LRFN3: variants seen among roughly 807,000 people sequenced by gnomAD.
LRFN3 encodes leucine rich repeat and fibronectin type III domain containing 3.
A neutral mutation model predicts 23.8 loss-of-function variants in LRFN3; 8 were observed. That is an observed-to-expected ratio of 0.34 (90% CI 0.20 to 0.61). LRFN3 has a LOEUF of 0.61. Among genes scored for constraint, LRFN3 ranks in the 20% least tolerant of loss-of-function variants. The probability of loss-of-function intolerance (pLI) is 0.80; values close to 1 mark genes in which losing one functional copy is unlikely to be tolerated. For missense variants in LRFN3, 736 were observed against 935.3 expected (o/e 0.79, Z 2.78); for synonymous variants, 451 against 450.6 (o/e 1.00, Z -0.01).
At position 35,944,701 on chromosome 19, in the gene LRFN3, G is replaced by T; in HGVS notation, c.1569G>T (p.Ala523=). The change falls in exon 3 of 3, where the codon GCG becomes GCT. Residue 523 remains alanine (A), a synonymous_variant. Transcript: ENST00000246529. This position sits in a 1 kb window ranked among gnomAD's most constrained non-coding sequence, Gnocchi z 4.5. ...GCGCCCGCTTCTCCACCGAACCTGC[G>T]CTGCGGCCATGCGGGGCGCCGCACG... ...VGCARFSTEP[A]LRPCGAPHAP... is the part of the protein sequence containing the mutation. 1 of 1,604,178 alleles carries T rather than the reference G, an allele frequency of 6.2e-7. No individual in the cohort carries two copies. The highest frequency in any genetic ancestry group is 8.5e-7 in the Non-Finnish European group (1 of 1,176,574).
intron 2 of LRFN3, among the ~76,000 whole-genome samples, chr19:35,942,176 C>G (rs1017165688): frequency 1.3e-5 from 2 of 152,208 alleles, no homozygotes; most frequent in Non-Finnish European, 2.9e-5. Context: ...GCCACCGCGC[C>G]CGACAGATTT....
chr19:35,937,114 G>C lies in LRFN3; in HGVS notation c.-458G>C, dbSNP rs941939925. 1 of 152,150 alleles carries C rather than the reference G, an allele frequency of 6.6e-6. No individual in the cohort carries two copies. The highest frequency in any genetic ancestry group is 2.4e-5 in the African/African-American group (1 of 41,420). 9.4% of individuals were successfully genotyped at this position (152,150 alleles called of 1,614,324 possible). Reference sequence around the variant, plus strand: ...CCTCAAATTCCAAGATCTGGACTGTGGGATTCCAAGGGGCCTGAACCCGAG... The same window carrying C: ...CCTCAAATTCCAAGATCTGGACTGTCGGATTCCAAGGGGCCTGAACCCGAG... On this transcript the variant is annotated 5_prime_UTR_variant, in exon 1 of 3. Transcript: ENST00000246529.
In LRFN3 at chr19:35,945,064, A is replaced by G. The variant is rs1386537358; in HGVS notation, c.*45A>G. 4.2e-6 allele frequency: 5 copies of G among 1,188,358 alleles called. No individual in the cohort carries two copies. In the South Asian group the frequency reaches 9.4e-5, roughly 22 times the overall value. The allele number at this position is 1,188,358 out of a possible 1,614,324, so 73.6% of individuals were successfully genotyped here. On this transcript the variant is annotated 3_prime_UTR_variant, in exon 3 of 3. Coordinates refer to ENST00000246529, the MANE Select transcript of LRFN3 (RefSeq NM_024509.2). ...AGGGTCCTCTGGCCCCACGGACAGCAGGACCCGGACACCCTGTGGGACCTG... is the reference window on the plus strand; with the variant it reads ...AGGGTCCTCTGGCCCCACGGACAGCGGGACCCGGACACCCTGTGGGACCTG...
In LRFN3 at chr19:35,944,986, C is replaced by G. The variant is rs1041063495; in HGVS notation, c.1854C>G (p.Pro618=). ...CCGTGGTCCAGCTGGACTGCGAGCC[C>G]TGGGGGCCCGGCCACGAACCTGTGG... ...AHTVVQLDCE[P]WGPGHEPVGP The change falls in exon 3 of 3, where the codon CCC becomes CCG. Residue 618 remains proline, a synonymous_variant. Transcript: ENST00000246529. This position sits in a 1 kb window ranked among gnomAD's most constrained non-coding sequence, Gnocchi z 4.5. 2.4e-5 allele frequency: 33 copies of G among 1,401,494 alleles called. No individual in the cohort carries two copies. The highest frequency in any genetic ancestry group is 2.8e-5 in the Non-Finnish European group (30 of 1,088,984). 86.8% of individuals were successfully genotyped at this position (1,401,494 alleles called of 1,614,324 possible).
rs1976177048 is a variant in LRFN3 at position 35,946,254 on chromosome 19, C to T, written c.*1235C>T. Among the ~76,000 whole-genome samples the T allele has an allele frequency of 6.6e-6, 1 of 151,922 alleles. No individual in the cohort carries two copies. Among genetic ancestry groups the T allele is most frequent in the Admixed American group, 6.6e-5 (1 of 15,246 alleles). On this transcript the variant is annotated 3_prime_UTR_variant, in exon 3 of 3. Transcript: ENST00000246529. ...GAAATAGAAATGAGGGCTTTGTCAG[C>T]AGAGATGGGAACTGACGCTGCTGGG...
At position 35,940,955 on chromosome 19, in the gene LRFN3, G is replaced by T. The variant is rs182552802; in HGVS notation, c.1415+115G>T. ...CACAACTGATAAGTGATGCTGGAAG[G>T]TTCCAAAAGAAATCAGAGAGCAAAA... On this transcript the variant is annotated intron_variant, in intron 2 of 2. Coordinates refer to ENST00000246529, the MANE Select transcript of LRFN3 (RefSeq NM_024509.2). 962 of 1,336,482 alleles carry T rather than the reference G, an allele frequency of 7.2e-4. 9 individuals carry two copies. The highest frequency in any genetic ancestry group is 2.2e-4 in the Middle Eastern group (1 of 4,648). The allele number at this position is 1,336,482 out of a possible 1,614,324, so 82.8% of individuals were successfully genotyped here. A position where few individuals can be genotyped will look rare whatever the true frequency, so the allele number is the denominator to read the frequency against.
chr19:35,944,803 G>T lies in LRFN3; in HGVS notation c.1671G>T (p.Val557=). 5 of 1,610,750 alleles carry T rather than the reference G, an allele frequency of 3.1e-6. No homozygotes were observed. Among genetic ancestry groups the T allele is most frequent in the Non-Finnish European group, 4.2e-6 (5 of 1,179,232 alleles). ...CCTCGGTACTGGTCTTCATCTTCGT[G>T]CTGCTAATGCGCTACAAGGTGCACG... is the stretch of plus-strand genomic sequence containing the variant. The part of the protein sequence containing the change: ...IVASVLVFIF[V]LLMRYKVHGG... The change falls in exon 3 of 3, where the codon GTG becomes GTT. Residue 557 remains valine (V), a synonymous_variant. Transcript: ENST00000246529. This position sits in a 1 kb window ranked among gnomAD's most constrained non-coding sequence, Gnocchi z 4.5.
At position 35,944,655 on chromosome 19, in the gene LRFN3, C is replaced by G; in HGVS notation, c.1523C>G (p.Thr508Arg). 1 of 1,593,892 alleles carries G rather than the reference C, an allele frequency of 6.3e-7. No individual in the cohort carries two copies. Among genetic ancestry groups the G allele is most frequent in the Non-Finnish European group, 8.5e-7 (1 of 1,174,010 alleles). ...TATGAGGACAGCGCCACGGGGCTCACGGCCACGCGGCCTGTGGGCTGCGCC... is the reference window on the plus strand; with the variant it reads ...TATGAGGACAGCGCCACGGGGCTCAGGGCCACGCGGCCTGTGGGCTGCGCC... ...AVYEDSATGL[T>R]ATRPVGCARF... Residue 508 changes from threonine to arginine, a missense_variant, in exon 3 of 3, where the codon ACG becomes AGG. This residue lies in a region of LRFN3 where 290 missense variants were observed against 287.4 expected (regional missense o/e 1.01). Transcript: ENST00000246529. The surrounding 1 kb of genome is among the most constrained non-coding windows in gnomAD (Gnocchi z 4.5).
rs1976170855 is a variant in LRFN3 at position 35,945,628 on chromosome 19, C to G, written c.*609C>G. 6.5e-6 allele frequency: 1 copy of G among 152,678 alleles called. No individual in the cohort carries two copies. Among genetic ancestry groups the G allele is most frequent in the African/African-American group, 2.4e-5 (1 of 41,428 alleles). The allele number at this position is 152,678 out of a possible 1,614,324, so 9.5% of individuals were successfully genotyped here. A position where few individuals can be genotyped will look rare whatever the true frequency, so the allele number is the denominator to read the frequency against. ...TGAGAATGACATATGAAGGAGATAA[C>G]TGGGCAAAGAGCAGAAGGAAAGCTC... On this transcript the variant is annotated 3_prime_UTR_variant, in exon 3 of 3. Coordinates refer to ENST00000246529, the MANE Select transcript of LRFN3 (RefSeq NM_024509.2).
At position 35,945,651 on chromosome 19, in the gene LRFN3, CTCTT is replaced by C. The variant is rs1599655106; in HGVS notation, c.*635_*638del. 1 of 152,528 alleles carries C rather than the reference CTCTT, an allele frequency of 6.6e-6. No homozygotes were observed. Among genetic ancestry groups the C allele is most frequent in the Admixed American group, 6.5e-5 (1 of 15,288 alleles). 9.4% of individuals were successfully genotyped at this position (152,528 alleles called of 1,614,324 possible). On this transcript the variant is annotated 3_prime_UTR_variant, in exon 3 of 3. Coordinates refer to ENST00000246529, the MANE Select transcript of LRFN3 (RefSeq NM_024509.2). ...AACTGGGCAAAGAGCAGAAGGAAAGCTCTTTCAGGCAGAGGGCACAGCACAAGCA... is the reference window on the plus strand; with the variant it reads ...AACTGGGCAAAGAGCAGAAGGAAAGCTCAGGCAGAGGGCACAGCACAAGCA...
chr19:35,945,941 G>A lies in LRFN3; in HGVS notation c.*922G>A, dbSNP rs747152176. ...GAAGCTGGGGCAGGGACCTGGGTGG[G>A]TGAGGACGAAGTTGGACCAGCTGGG... is the stretch of plus-strand genomic sequence containing the variant. On this transcript the variant is annotated 3_prime_UTR_variant, in exon 3 of 3. Transcript: ENST00000246529. 1.3e-5 allele frequency among the ~76,000 whole-genome samples: 2 copies of A among 152,096 alleles called. No homozygotes were observed. Among genetic ancestry groups the A allele is most frequent in the Admixed American group, 6.6e-5 (1 of 15,264 alleles).
rs753020006 is a variant in LRFN3 at position 35,944,714 on chromosome 19, G to A, written c.1582G>A (p.Gly528Arg). 2.5e-6 allele frequency: 4 copies of A among 1,604,296 alleles called. No homozygotes were observed. Among genetic ancestry groups the A allele is most frequent in the East Asian group, 2.2e-5 (1 of 44,498 alleles). ...CACCGAACCTGCGCTGCGGCCATGC[G>A]GGGCGCCGCACGCTCCCTTCCTGGG... is the stretch of plus-strand genomic sequence containing the variant. ...FSTEPALRPC[G>R]APHAPFLGGT... is the part of the protein sequence containing the mutation. The change falls in exon 3 of 3, where the codon GGG becomes AGG. Residue 528 changes from glycine (G) to arginine (R), a missense_variant. Physicochemically the swap from Gly to Arg is moderately radical, Grantham distance 125. This residue lies in a region of LRFN3 where 290 missense variants were observed against 287.4 expected (regional missense o/e 1.01). Transcript: ENST00000246529. This position sits in a 1 kb window ranked among gnomAD's most constrained non-coding sequence, Gnocchi z 4.5.
chr19:35,939,304 A>G lies in LRFN3; in HGVS notation c.-16-106A>G. The G allele has an allele frequency of 2.5e-6, 3 of 1,221,452 alleles. No homozygotes were observed. Among genetic ancestry groups the G allele is most frequent in the Non-Finnish European group, 3.4e-6 (3 of 889,206 alleles). The allele number at this position is 1,221,452 out of a possible 1,614,324, so 75.7% of individuals were successfully genotyped here. ...TGGTCACATCTGACGGTCTTTGACC[A>G]GCCCTTCTGCCCTCAGCCCACTGTG... On this transcript the variant is annotated intron_variant, in intron 1 of 2. Coordinates refer to ENST00000246529, the MANE Select transcript of LRFN3 (RefSeq NM_024509.2). The surrounding 1 kb of genome is among the most constrained non-coding windows in gnomAD (Gnocchi z 6.4).
At chr19:35,938,030 A>G (rs1024151540) in intron 1 of LRFN3, among the ~76,000 whole-genome samples, 2 of 151,884 alleles carry the variant, frequency 1.3e-5, no homozygotes, top group African/African-American at 4.8e-5. Flanking sequence ...CCTCTCTCTA[A>G]TCATCATTCA....
rs368952403 is a variant in LRFN3 at position 35,939,601 on chromosome 19, G to C, written c.176G>C (p.Arg59Pro). 6.2e-7 allele frequency: 1 copy of C among 1,608,820 alleles called. No homozygotes were observed. The highest frequency in any genetic ancestry group is 1.1e-5 in the South Asian group (1 of 91,008). Residue 59 changes from arginine (R) to proline (P), a missense_variant, in exon 2 of 3, where the codon CGC (arginine) becomes CCC (proline). Physicochemically the swap from Arg to Pro is moderately radical, Grantham distance 103. Coordinates refer to ENST00000246529, the MANE Select transcript of LRFN3 (RefSeq NM_024509.2). The surrounding 1 kb of genome is among the most constrained non-coding windows in gnomAD (Gnocchi z 6.4). ...GLLFVPPSLD[R>P]RAAELRLADN... ...CTGTTCGTGCCACCCTCGCTGGACCGCCGGGCAGCCGAGCTGCGGCTGGCA... is the reference window on the plus strand; with the variant it reads ...CTGTTCGTGCCACCCTCGCTGGACCCCCGGGCAGCCGAGCTGCGGCTGGCA...
Position 35,940,590 on chromosome 19 carries a change from C to T in LRFN3, c.1165C>T (p.Pro389Ser), listed in dbSNP as rs762979013. The change falls in exon 2 of 3, where the codon CCT becomes TCT. Residue 389 changes from proline to serine, a missense_variant. Coordinates refer to ENST00000246529, the MANE Select transcript of LRFN3 (RefSeq NM_024509.2). ...VELTVGPPPPPQLANSTSCDP... is the reference protein window; with the variant it reads ...VELTVGPPPPSQLANSTSCDP... Reference sequence around the variant, plus strand: ...GCTGACTGTGGGTCCCCCACCACCTCCTCAGCTAGCCAACAGCACCAGCTG... The same window carrying T: ...GCTGACTGTGGGTCCCCCACCACCTTCTCAGCTAGCCAACAGCACCAGCTG... The T allele has an allele frequency of 3.7e-6, 6 of 1,611,510 alleles. No homozygotes were observed. The highest frequency in any genetic ancestry group is 5.1e-6 in the Non-Finnish European group (6 of 1,178,612).
chr19:35,940,375 G>T lies in LRFN3; in HGVS notation c.950G>T (p.Cys317Phe). ...GCAGGTCGGCCGGCTGCCCTGCGCT[G>T]CCGGGCAGTGGGGGACCCAGAGCCC... ...VPAGRPAALR[C>F]RAVGDPEPRV... is the part of the protein sequence containing the mutation. The change falls in exon 2 of 3, where the codon TGC (cysteine) becomes TTC (phenylalanine). Residue 317 changes from cysteine (C) to phenylalanine (F), a missense_variant. By Grantham distance (205) the Cys-to-Phe change is radical. This residue lies in a region of LRFN3 where 446 missense variants were observed against 647.9 expected (regional missense o/e 0.69). Transcript: ENST00000246529. The T allele has an allele frequency of 6.4e-7, 1 of 1,570,988 alleles. No homozygotes were observed. Among genetic ancestry groups the T allele is most frequent in the Non-Finnish European group, 8.6e-7 (1 of 1,163,808 alleles).
Position 35,944,869 on chromosome 19 carries a change from T to A in LRFN3, c.1737T>A (p.Val579=). The A allele has an allele frequency of 1.3e-6, 2 of 1,599,144 alleles. No homozygotes were observed. Among genetic ancestry groups the A allele is most frequent in the Non-Finnish European group, 1.7e-6 (2 of 1,178,704 alleles). ...PPGKAKIPAP[V]SSVCSQTNGA... ...GCAAGGCCAAGATTCCCGCGCCTGTTAGCAGCGTTTGCTCCCAGACCAACG... is the reference window on the plus strand; with the variant it reads ...GCAAGGCCAAGATTCCCGCGCCTGTAAGCAGCGTTTGCTCCCAGACCAACG... The change falls in exon 3 of 3, where the codon GTT becomes GTA. Residue 579 remains valine, a synonymous_variant. Coordinates refer to ENST00000246529, the MANE Select transcript of LRFN3 (RefSeq NM_024509.2). This position sits in a 1 kb window ranked among gnomAD's most constrained non-coding sequence, Gnocchi z 4.5.
At position 35,940,191 on chromosome 19, in the gene LRFN3, G is replaced by A. The variant is rs756193722; in HGVS notation, c.766G>A (p.Glu256Lys). 3.1e-6 allele frequency: 5 copies of A among 1,609,758 alleles called. No homozygotes were observed. The highest frequency in any genetic ancestry group is 2.7e-5 in the African/African-American group (2 of 74,920). Residue 256 changes from glutamate (E) to lysine (K), a missense_variant, in exon 2 of 3, where the codon GAG becomes AAG. Physicochemically the swap from Glu to Lys is moderately conservative, Grantham distance 56. This residue lies in a region of LRFN3 where 446 missense variants were observed against 647.9 expected (regional missense o/e 0.69). Transcript: ENST00000246529. ...FGGNPLHCNCELVWLRRLARE... is the reference protein window; with the variant it reads ...FGGNPLHCNCKLVWLRRLARE... ...CGGGAACCCCCTGCACTGCAACTGC[G>A]AGCTGGTGTGGCTGCGTCGCCTGGC...
Sources: gnomAD v4.1 joint callset for allele counts (sites outside exome capture counted in the v4.1 genomes callset) on GRCh38, gnomAD v4.1.1 for gene constraint, gnomAD v4.1.1 regional missense constraint, Gnocchi (gnomAD v3.1) non-coding constraint, MANE v1.5 for transcripts, NCBI Gene and HGNC (gene_info 2026-07-23, HGNC 2026-07-21) for gene names.